Variants in CHN1 observed in about 807,000 individuals in gnomAD.
CHN1 encodes chimerin 1.
A neutral mutation model predicts 59.5 loss-of-function variants in CHN1; 37 were observed. The ratio of observed to expected loss-of-function variants is 0.62; its 90% CI spans 0.48 to 0.82. The LOEUF is 0.82. Among genes scored for constraint, CHN1 ranks in the 40% least tolerant of loss-of-function variants. CHN1 has a pLI of 0.00. For missense variants in CHN1, 469 were observed against 571.0 expected, an observed-to-expected ratio of 0.82 and a Z score of 1.82; for synonymous variants, 206 against 200.4, an observed-to-expected ratio of 1.03 and a Z score of -0.24.
intron 8 of CHN1, among the ~76,000 whole-genome samples, chr2:174,817,795 G>A (rs907109582): frequency 2.6e-5 from 4 of 151,996 alleles, no homozygotes; most frequent in East Asian, 1.9e-4. Context: ...CCGCCACCAC[G>A]CCTGGCTAAT....
At chr2:174,997,357 TCTA>T (rs1312073468) in intron 1 of CHN1, among the ~76,000 whole-genome samples, 2 of 152,164 alleles carry the variant, frequency 1.3e-5, no homozygotes, top group Admixed American at 1.3e-4. Context: ...CTCTAAAACT[TCTA>T]CTTTCTTTTC....
At chr2:174,817,107 A>C (rs1244702446) in intron 8 of CHN1, among the ~76,000 whole-genome samples, 1 of 152,196 alleles carries the variant, frequency 6.6e-6, no homozygotes, top group Non-Finnish European at 1.5e-5. Context: ...TGTATACCAT[A>C]CACTACATCA....
intron 6 of CHN1, among the ~76,000 whole-genome samples, chr2:174,860,029 G>A (rs759235183): frequency 1.3e-4 from 20 of 152,090 alleles, no homozygotes; most frequent in Non-Finnish European, 2.6e-4. Context: ...TTAGATACAT[G>A]CAGTTTTTTG....
chr2:174,855,061 T>C (rs568630952), intron 6 of CHN1, among the ~76,000 whole-genome samples: 3 of 152,244 alleles, frequency 2.0e-5, no homozygotes, highest in East Asian at 3.9e-4. Context: ...AATGACCAAT[T>C]ATACTCTTTT....
chr2:174,903,192 C>T (rs1261793332), intron 5 of CHN1, among the ~76,000 whole-genome samples: 1 of 152,214 alleles, frequency 6.6e-6, no homozygotes, highest in African/African-American at 2.4e-5. Flanking sequence ...CACTGATCAT[C>T]AACCTCCTCA....
intron 6 of CHN1, among the ~76,000 whole-genome samples, chr2:174,867,060 AT>A (rs112322984): frequency 0.43 from 62,558 of 144,122 alleles, 13,395 homozygotes; most frequent in Admixed American, 0.52. Flanking sequence ...TTTTTACTTA[AT>A]TTTTTTTTTT....
intron 1 of CHN1, among the ~76,000 whole-genome samples, chr2:174,996,324 T>C (rs1203202663): frequency 1.3e-5 from 2 of 152,176 alleles, no homozygotes; most frequent in Non-Finnish European, 2.9e-5. Context: ...ACACACAAAG[T>C]AGAAATATTA....
chr2:174,890,424 A>C (rs113416010), intron 5 of CHN1, among the ~76,000 whole-genome samples: 2 of 152,322 alleles, frequency 1.3e-5, no homozygotes, highest in African/African-American at 4.8e-5. Context: ...CTACAGTAGC[A>C]TGTACCTGCC....
intron 7 of CHN1, among the ~76,000 whole-genome samples, chr2:174,829,414 A>C (rs543104912): frequency 6.6e-6 from 1 of 152,366 alleles, no homozygotes; most frequent in South Asian, 2.1e-4. Context: ...TGGGCCTGCC[A>C]TTATTCAGAC....
chr2:174,947,258 T>C (rs1304298673), intron 2 of CHN1, among the ~76,000 whole-genome samples: 1 of 152,196 alleles, frequency 6.6e-6, no homozygotes, highest in Non-Finnish European at 1.5e-5. Context: ...CATATGAGAA[T>C]TGATGTGGGT....
At chr2:174,839,786 T>C (rs1686223269) in intron 7 of CHN1, among the ~76,000 whole-genome samples, 1 of 152,094 alleles carries the variant, frequency 6.6e-6, no homozygotes, top group Non-Finnish European at 1.5e-5. Flanking sequence ...GTATTTTTGA[T>C]AGAAACAGAG....
chr2:174,812,656 C>A (rs1685115471), intron 8 of CHN1, among the ~76,000 whole-genome samples, 174 bp from the exon 9 acceptor site: 1 of 152,074 alleles, frequency 6.6e-6, no homozygotes, highest in South Asian at 2.1e-4. Context: ...TCTCTTGGAA[C>A]AATTTGATTA....
chr2:174,895,387 A>G (rs1420110076), intron 5 of CHN1, among the ~76,000 whole-genome samples: 1 of 152,066 alleles, frequency 6.6e-6, no homozygotes, highest in Admixed American at 6.6e-5. Context: ...AAAATCATGC[A>G]AACAAAAAGT....
chr2:174,855,980 C>G (rs1447255727), intron 6 of CHN1, among the ~76,000 whole-genome samples: 2 of 152,008 alleles, frequency 1.3e-5, no homozygotes, highest in Non-Finnish European at 2.9e-5. Context: ...ATTAACATGC[C>G]ATTTTGAAAG....
chr2:174,801,762 G>A lies in CHN1; in HGVS notation c.1153C>T (p.Leu385=). 2 of 1,613,446 alleles carry A rather than the reference G, an allele frequency of 1.2e-6. No individual in the cohort carries two copies. The highest frequency in any genetic ancestry group is 8.5e-7 in the Non-Finnish European group (1 of 1,179,504). The change falls in exon 12 of 13, where the codon CTA becomes TTA. Residue 385 remains leucine, a synonymous_variant. Coordinates refer to ENST00000409900, the MANE Select transcript of CHN1 (RefSeq NM_001822.7). ...GTTTCGCAGTGAGCAGGTGGCAGTA[G>A]TTTCAGTGCTTCATGAAGGGTTTCC... The part of the protein sequence containing the change: ...QLETLHEALK[L]LPPAHCETLR...
Position 174,847,097 on chromosome 2 carries a change from G to C in CHN1, c.550-140C>G, listed in dbSNP as rs190390221. ...TGATTTGTGAACTGCAGCCCTATTAGTTTTCCTCCCTGACCAAGACTCTTT... is the reference window on the plus strand; with the variant it reads ...TGATTTGTGAACTGCAGCCCTATTACTTTTCCTCCCTGACCAAGACTCTTT... On this transcript the variant is annotated intron_variant, in intron 6 of 12. Transcript: ENST00000409900. The C allele has an allele frequency of 1.9e-6, 3 of 1,551,480 alleles. No individual in the cohort carries two copies. The East Asian group carries it at 7.3e-5, about 38-fold the overall frequency.
At chr2:174,867,658 A>T (rs1221623596) in intron 6 of CHN1, among the ~76,000 whole-genome samples, 4 of 152,186 alleles carry the variant, frequency 2.6e-5, no homozygotes, top group African/African-American at 9.6e-5. Flanking sequence ...GAATAAAAAA[A>T]TTAAAGGACT....
At chr2:174,835,321 C>T (rs1382822954) in intron 7 of CHN1, among the ~76,000 whole-genome samples, 1 of 152,148 alleles carries the variant, frequency 6.6e-6, no homozygotes, top group Admixed American at 6.6e-5. Flanking sequence ...CAATTTTCTC[C>T]TTAACACTGG....
chr2:174,908,915 T>C (rs994308591), intron 5 of CHN1, among the ~76,000 whole-genome samples: 2 of 152,228 alleles, frequency 1.3e-5, no homozygotes, highest in African/African-American at 4.8e-5. Context: ...ATTAATATAA[T>C]TAGGTTTTCC....
Sources: allele counts gnomAD v4.1 joint callset (sites outside exome capture counted in the v4.1 genomes callset), GRCh38; gene constraint gnomAD v4.1.1; transcripts MANE v1.5; gene names NCBI Gene and HGNC (gene_info 2026-07-23, HGNC 2026-07-21).